ANKRD44: variants seen among roughly 807,000 people sequenced by gnomAD.
ANKRD44 encodes the protein serine/threonine-protein phosphatase 6 regulatory ankyrin repeat subunit B.
ANKRD44 carries 35 observed loss-of-function variants against 116.0 expected under a neutral mutation model. The ratio of observed to expected loss-of-function variants is 0.30; its 90% CI spans 0.23 to 0.40. The LOEUF (loss-of-function observed/expected upper bound fraction) is 0.40. Ranked by LOEUF, ANKRD44 falls within the 10% of genes least tolerant of loss-of-function variation. ANKRD44 has a pLI of 1.00. For synonymous variants in ANKRD44, 435 were observed against 461.8 expected, an observed-to-expected ratio of 0.94 and a Z score of 0.74; for missense variants, 1,014 against 1,242.6, an observed-to-expected ratio of 0.82 and a Z score of 2.77.
At chr2:197,132,161 G>A (rs1391977958) in intron 4 of ANKRD44, among the ~76,000 whole-genome samples, 2 of 152,232 alleles carry the variant, frequency 1.3e-5, no homozygotes, top group Non-Finnish European at 2.9e-5. Context: ...AAAGGAGACA[G>A]TGCTGTTGGG....
intron 1 of ANKRD44, among the ~76,000 whole-genome samples, chr2:197,233,343 G>A (rs1340304650): frequency 6.6e-6 from 1 of 152,146 alleles, no homozygotes; most frequent in South Asian, 2.1e-4. Context: ...AATGATCAAT[G>A]TGCCTCTCAG....
chr2:196,970,539 C>T (rs1417887915), intron 21 of ANKRD44, among the ~76,000 whole-genome samples: 1 of 152,108 alleles, frequency 6.6e-6, no homozygotes, highest in Admixed American at 6.5e-5. Flanking sequence ...GAGCTTAGAA[C>T]TGGTTCTACT....
chr2:197,265,428 G>C (rs2082717332), intron 1 of ANKRD44, among the ~76,000 whole-genome samples: 1 of 151,988 alleles, frequency 6.6e-6, no homozygotes, highest in Non-Finnish European at 1.5e-5. Context: ...TGAATTTTTA[G>C]TAGAGACAGG....
intron 15 of ANKRD44, among the ~76,000 whole-genome samples, chr2:197,079,197 C>A (rs1412030124): frequency 2.6e-5 from 4 of 151,686 alleles, no homozygotes; most frequent in African/African-American, 9.7e-5. Flanking sequence ...AGTATCAGGG[C>A]AAGTAACAGG....
At chr2:197,137,534 A>G (rs1264798473) in intron 3 of ANKRD44, among the ~76,000 whole-genome samples, 4 of 152,254 alleles carry the variant, frequency 2.6e-5, no homozygotes. Flanking sequence ...GTGGACTTCC[A>G]TGCGTAAACG....
chr2:197,235,636 A>G (rs1184309130), intron 1 of ANKRD44, among the ~76,000 whole-genome samples: 2 of 149,214 alleles, frequency 1.3e-5, no homozygotes, highest in East Asian at 3.9e-4. Context: ...AAAAAAAAGT[A>G]GTGTAAGATC....
At chr2:197,163,030 T>C (rs1005969641) in intron 2 of ANKRD44, among the ~76,000 whole-genome samples, 1 of 152,202 alleles carries the variant, frequency 6.6e-6, no homozygotes, top group African/African-American at 2.4e-5. Context: ...TTGGTTTTTT[T>C]TGTGGTTCTC....
At chr2:197,248,794 T>C (rs2082253804) in intron 1 of ANKRD44, among the ~76,000 whole-genome samples, 1 of 151,970 alleles carries the variant, frequency 6.6e-6, no homozygotes, top group African/African-American at 2.4e-5. Context: ...TAGCATGCGG[T>C]GTCCATGTGG....
At chr2:196,997,610 C>T (rs1024301185) in intron 25 of ANKRD44, among the ~76,000 whole-genome samples, 12 of 151,822 alleles carry the variant, frequency 7.9e-5, no homozygotes, top group African/African-American at 2.2e-4. Context: ...CCACCATGCC[C>T]GGGTAATTTT....
intron 21 of ANKRD44, among the ~76,000 whole-genome samples, chr2:196,979,764 G>T (rs184742191): frequency 1.0e-3 from 159 of 151,886 alleles, no homozygotes; most frequent in African/African-American, 3.8e-3. Flanking sequence ...GTTTCTCCAT[G>T]TTGGTCAGGC....
chr2:197,232,936 T>C (rs562724141), intron 1 of ANKRD44, among the ~76,000 whole-genome samples: 12 of 152,352 alleles, frequency 7.9e-5, no homozygotes, highest in South Asian at 6.2e-4. Flanking sequence ...AGTTCTATTA[T>C]ATTTGTTATT....
chr2:197,259,592 T>A (rs1464270321), intron 1 of ANKRD44, among the ~76,000 whole-genome samples: 1 of 152,134 alleles, frequency 6.6e-6, no homozygotes, highest in African/African-American at 2.4e-5. Context: ...AAATCTTTTC[T>A]CCTTTTTGTT....
At chr2:196,977,822 T>G (rs1261146446) in intron 21 of ANKRD44, among the ~76,000 whole-genome samples, 2 of 152,128 alleles carry the variant, frequency 1.3e-5, no homozygotes, top group South Asian at 2.1e-4. Flanking sequence ...CCATTTCCAC[T>G]CCTAGATATA....
chr2:197,013,590 A>G lies in ANKRD44; in HGVS notation c.1845T>C (p.Cys615=). ...CGCCCTGATTGATAAGCGCTTCCAC[A>G]CATTCTGTGTGTCCTTTAAAGGCAG... The part of the protein sequence containing the change: ...DLAAFKGHTE[C]VEALINQGAS... The change falls in exon 18 of 28, where the codon TGT becomes TGC. Residue 615 remains cysteine (C), a synonymous_variant. Transcript: ENST00000282272. 1 of 1,614,208 alleles carries G rather than the reference A, an allele frequency of 6.2e-7. No homozygotes were observed. Among genetic ancestry groups the G allele is most frequent in the Non-Finnish European group, 8.5e-7 (1 of 1,180,046 alleles).
At chr2:196,967,567 A>T in intron 21 of ANKRD44, 1 of 383,242 alleles carries the variant, frequency 2.6e-6, no homozygotes, top group Middle Eastern at 7.0e-4. Flanking sequence ...GGGATGGGGA[A>T]TGCTCAAGTA....
chr2:197,096,425 C>G (rs2078162558), intron 10 of ANKRD44, among the ~76,000 whole-genome samples: 1 of 152,114 alleles, frequency 6.6e-6, no homozygotes, highest in Non-Finnish European at 1.5e-5. Context: ...AGACAATCCG[C>G]AAACTAACAA....
chr2:197,173,964 C>T (rs2080301665), intron 2 of ANKRD44, among the ~76,000 whole-genome samples: 1 of 152,088 alleles, frequency 6.6e-6, no homozygotes, highest in Admixed American at 6.6e-5. Flanking sequence ...ACTCAGGAGG[C>T]AGAGGTTGCA....
At chr2:197,239,325 G>A (rs1021878693) in intron 1 of ANKRD44, among the ~76,000 whole-genome samples, 5 of 151,986 alleles carry the variant, frequency 3.3e-5, no homozygotes, top group African/African-American at 4.8e-5. Flanking sequence ...TTGGCCACCC[G>A]GGCTCAAGCA....
At chr2:196,982,670 G>A (rs1350014113), downstream of ANKRD44, among the ~76,000 whole-genome samples, 1 of 152,050 alleles carries the variant, frequency 6.6e-6, no homozygotes, top group Non-Finnish European at 1.5e-5. Flanking sequence ...CATTTCCCTT[G>A]TTGCCAGACA....
Sources: allele counts gnomAD v4.1 joint callset (sites outside exome capture counted in the v4.1 genomes callset), GRCh38; gene constraint gnomAD v4.1.1; transcripts MANE v1.5; gene names NCBI Gene and HGNC (gene_info 2026-07-23, HGNC 2026-07-21).